The following SLC24A2 variants were observed in gnomAD, a reference collection of about 807,000 sequenced individuals.
SLC24A2 encodes sodium/potassium/calcium exchanger 2.
A neutral mutation model predicts 62.0 loss-of-function variants in SLC24A2; 36 were observed. The ratio of observed to expected loss-of-function variants is 0.58; its 90% CI spans 0.44 to 0.77. The LOEUF is 0.77. Ranked by LOEUF, SLC24A2 falls within the 30% of genes least tolerant of loss-of-function variation. SLC24A2 has a pLI of 0.00. For missense variants in SLC24A2, 846 were observed against 817.9 expected, an observed-to-expected ratio of 1.03 and a Z score of -0.42; for synonymous variants, 358 against 294.0, an observed-to-expected ratio of 1.22 and a Z score of -2.23.
chr9:19,862,422 T>C, the SLC24A2 span, among the ~76,000 whole-genome samples: 2 of 152,104 alleles, frequency 1.3e-5, no homozygotes, highest in Non-Finnish European at 2.9e-5. Flanking sequence ...ACACTAGACC[T>C]GTCCTACAAG....
the SLC24A2 span, among the ~76,000 whole-genome samples, chr9:20,253,302 A>C: frequency 3.9e-5 from 6 of 152,332 alleles, no homozygotes; most frequent in African/African-American, 1.4e-4. Flanking sequence ...TACTTTCCAG[A>C]GTTTTTACAA....
chr9:20,246,896 A>G, the SLC24A2 span, among the ~76,000 whole-genome samples: 32,538 of 152,166 alleles, frequency 0.21, 4,960 homozygotes, highest in East Asian at 0.56. Context: ...GCCAACACCA[A>G]TGCAACTACT....
chr9:20,271,974 G>A, the SLC24A2 span, among the ~76,000 whole-genome samples: 5 of 137,724 alleles, frequency 3.6e-5, no homozygotes, highest in Non-Finnish European at 7.9e-5. Flanking sequence ...TCTGGAGGGG[G>A]AAAGGTTAAA....
Position 19,695,700 on chromosome 9 carries a change from A to C in SLC24A2, c.931-73401T>G, listed in dbSNP as rs1313880043. ...GTAGCAAAAAAAAAAAAAAAAAAAA[A>C]AAACCTAGAAAAAATCTAATCATTC... On this transcript the variant is annotated intron_variant, in intron 2 of 10. Transcript: ENST00000341998. Among the ~76,000 whole-genome samples, 10 of 150,824 alleles carry C rather than the reference A, an allele frequency of 6.6e-5. 1 individual carries two copies. Among genetic ancestry groups the C allele is most frequent in the Admixed American group, 6.6e-4 (10 of 15,106 alleles).
the SLC24A2 span, among the ~76,000 whole-genome samples, chr9:20,302,166 G>A: frequency 6.6e-6 from 1 of 152,098 alleles, no homozygotes; most frequent in African/African-American, 2.4e-5. Flanking sequence ...CCAAGTTTTT[G>A]GCAATTCTGA....
the SLC24A2 span, among the ~76,000 whole-genome samples, chr9:20,089,742 C>T: frequency 3.0e-5 from 4 of 134,006 alleles, no homozygotes; most frequent in South Asian, 1.1e-3. Context: ...CTACCTTTGG[C>T]CTGAGGGATA....
intron 8 of SLC24A2, among the ~76,000 whole-genome samples, chr9:19,541,573 C>T (rs955753197): frequency 2.7e-5 from 4 of 145,566 alleles, no homozygotes; most frequent in Admixed American, 2.7e-4. Context: ...TCTCAGATCT[C>T]CAGCTGCGTG....
At chr9:20,072,964 G>C in the SLC24A2 span, among the ~76,000 whole-genome samples, 1 of 152,082 alleles carries the variant, frequency 6.6e-6, no homozygotes, top group Non-Finnish European at 1.5e-5. Flanking sequence ...TGTTATAGAG[G>C]TTACGGGAAG....
chr9:19,565,655 A>T (rs1393741790), intron 7 of SLC24A2, among the ~76,000 whole-genome samples: 1 of 152,218 alleles, frequency 6.6e-6, no homozygotes, highest in Non-Finnish European at 1.5e-5. Context: ...CCAGATTGCC[A>T]AGATAATCCT....
chr9:20,123,889 G>T, the SLC24A2 span, among the ~76,000 whole-genome samples: 2 of 152,096 alleles, frequency 1.3e-5, no homozygotes, highest in African/African-American at 4.8e-5. Flanking sequence ...AACTATTACT[G>T]CAAATATTGA....
chr9:19,704,219 G>A (rs573296031), intron 2 of SLC24A2, among the ~76,000 whole-genome samples: 1 of 152,166 alleles, frequency 6.6e-6, no homozygotes, highest in Non-Finnish European at 1.5e-5. Flanking sequence ...AAGTTCTCCA[G>A]TGATTCGCAC....
At chr9:20,167,702 C>T in the SLC24A2 span, among the ~76,000 whole-genome samples, 2 of 151,894 alleles carry the variant, frequency 1.3e-5, no homozygotes, top group African/African-American at 4.8e-5. Flanking sequence ...AGAAATGTTT[C>T]AATCATCAGT....
chr9:19,896,680 G>C, the SLC24A2 span, among the ~76,000 whole-genome samples: 4 of 152,074 alleles, frequency 2.6e-5, no homozygotes, highest in Non-Finnish European at 5.9e-5. Flanking sequence ...AACCAGGTCA[G>C]TCTGACTCTC....
chr9:20,130,301 T>C, the SLC24A2 span, among the ~76,000 whole-genome samples: 4 of 150,654 alleles, frequency 2.7e-5, no homozygotes, highest in Admixed American at 2.0e-4. Flanking sequence ...ATGAATGAAA[T>C]AGGTAATTTC....
At chr9:19,894,788 C>T in the SLC24A2 span, among the ~76,000 whole-genome samples, 1 of 152,090 alleles carries the variant, frequency 6.6e-6, no homozygotes, top group Non-Finnish European at 1.5e-5. Flanking sequence ...ATTTTTGATA[C>T]CACAATCATG....
chr9:19,650,641 A>T (rs1436554894), intron 2 of SLC24A2, among the ~76,000 whole-genome samples: 1 of 152,192 alleles, frequency 6.6e-6, no homozygotes, highest in Non-Finnish European at 1.5e-5. Flanking sequence ...CCTTGGCCTC[A>T]TTAAAACAGC....
chr9:19,540,690 T>A (rs1057061894), intron 8 of SLC24A2, among the ~76,000 whole-genome samples: 20 of 146,454 alleles, frequency 1.4e-4, no homozygotes, highest in Admixed American at 1.2e-3. Flanking sequence ...TGTCTTGGAG[T>A]TGCTCTTCTT....
the SLC24A2 span, among the ~76,000 whole-genome samples, chr9:19,992,697 C>T: frequency 6.6e-6 from 1 of 152,166 alleles, no homozygotes; most frequent in Non-Finnish European, 1.5e-5. Flanking sequence ...AGGAAAAAAT[C>T]ACTCATGCCA....
At chr9:19,798,438 T>G in the SLC24A2 span, among the ~76,000 whole-genome samples, 3 of 152,190 alleles carry the variant, frequency 2.0e-5, no homozygotes, top group African/African-American at 7.2e-5. Context: ...AAATAAGATT[T>G]TCTTACTTGT....
Sources: gnomAD v4.1 joint callset for allele counts (sites outside exome capture counted in the v4.1 genomes callset) on GRCh38, gnomAD v4.1.1 for gene constraint, MANE v1.5 for transcripts, NCBI Gene and HGNC (gene_info 2026-07-23, HGNC 2026-07-21) for gene names.